The following OAS3 variants were observed in gnomAD, a reference collection of about 807,000 sequenced individuals.
OAS3 encodes 2'-5'-oligoadenylate synthetase 3.
A neutral mutation model predicts 113.0 loss-of-function variants in OAS3; 107 were observed. The ratio of observed to expected loss-of-function variants is 0.95; its 90% confidence interval spans 0.81 to 1.11. The LOEUF is 1.11. Ranked by LOEUF, OAS3 falls within the 50% of genes most tolerant of loss-of-function variation. OAS3 has a pLI of 0.00. For synonymous variants in OAS3, 552 were observed against 573.6 expected, an observed-to-expected ratio of 0.96 and a Z score of 0.54; for missense variants, 1,258 against 1,389.1, an observed-to-expected ratio of 0.91 and a Z score of 1.50.
At chr12:112,950,555 A>G (rs2136349801) in intron 6 of OAS3, 138 bp from the exon 7 acceptor site, 1 of 978,640 alleles carries the variant, frequency 1.0e-6, no homozygotes, top group Non-Finnish European at 1.5e-6. Context: ...CATGCAGTCG[A>G]CCTTTGTCAT....
At chr12:112,949,695 C>T (rs112046697) in intron 6 of OAS3, among the ~76,000 whole-genome samples, 2,054 of 152,280 alleles carry the variant, frequency 0.013, 28 homozygotes, top group Non-Finnish European at 0.02. Context: ...CTGATGTCCT[C>T]GTCCACTGAG....
intron 14 of OAS3, chr12:112,969,377 T>C (rs576312908): frequency 6.9e-6 from 4 of 577,706 alleles, no homozygotes; most frequent in Non-Finnish European, 1.2e-5. Context: ...GGGTAAGCGG[T>C]AGCACCGTGG....
rs1195393621 is a variant in OAS3, at chr12:112,963,700, A to G, written c.2229+243A>G. Among the ~76,000 whole-genome samples the G allele has an allele frequency of 6.6e-6, 1 of 152,196 alleles. No homozygotes were observed. Among genetic ancestry groups the G allele is most frequent in the Admixed American group, 6.5e-5 (1 of 15,282 alleles). Reference sequence around the variant, plus strand: ...GTCTCCAGGCGGAACCGATTCTGTGATGCAACTCACGTTCCAGCGCTCCCT... The same window carrying G: ...GTCTCCAGGCGGAACCGATTCTGTGGTGCAACTCACGTTCCAGCGCTCCCT... On this transcript the variant is annotated intron_variant, in intron 10 of 15. Coordinates refer to ENST00000228928, the MANE Select transcript of OAS3 (RefSeq NM_006187.4). The surrounding 1 kb of genome is among the most constrained non-coding windows in gnomAD (Gnocchi z 4.6).
chr12:112,939,131 G>C (rs1039719830), intron 1 of OAS3, among the ~76,000 whole-genome samples: 1 of 152,078 alleles, frequency 6.6e-6, no homozygotes, highest in African/African-American at 2.4e-5. Context: ...AACACTCCGC[G>C]TAACAGCCAG....
Position 112,944,491 on chromosome 12 carries a change from G to T in OAS3, c.476G>T (p.Gly159Val), listed in dbSNP as rs2043708722. The change falls in exon 3 of 16, where the codon GGC (glycine) becomes GTC (valine). Residue 159 changes from glycine to valine, a missense_variant. Physicochemically the swap from Gly to Val is moderately radical, Grantham distance 109 (BLOSUM62 -3). Coordinates refer to ENST00000228928, the MANE Select transcript of OAS3 (RefSeq NM_006187.4). ...ACACCAACAGGTCAGGCCGGCTCCG[G>T]CGTCAAACCCAAGCCACAAGTCTAC... is the stretch of plus-strand genomic sequence containing the variant. ...AFNVLGQAGSGVKPKPQVYST... is the reference protein window; with the variant it reads ...AFNVLGQAGSVVKPKPQVYST... 1 of 1,613,892 alleles carries T rather than the reference G, an allele frequency of 6.2e-7. No homozygotes were observed. The highest frequency in any genetic ancestry group is 1.3e-5 in the African/African-American group (1 of 74,936).
chr12:112,945,045 C>T, intron 3 of OAS3: 1 of 301,312 alleles, frequency 3.3e-6, no homozygotes, highest in Non-Finnish European at 6.5e-6. Flanking sequence ...GGTGCAGTGG[C>T]TCATGGCTGG....
chr12:112,967,818 C>A, intron 13 of OAS3, 118 bp from the exon 14 acceptor site: 1 of 1,231,840 alleles, frequency 8.1e-7, no homozygotes, highest in Non-Finnish European at 1.1e-6. Flanking sequence ...GGCAAGGCAT[C>A]TGGCACATGT....
intron 1 of OAS3, among the ~76,000 whole-genome samples, chr12:112,939,306 CTTTTTTTTTTTTTTTTTT>C (rs58792765): frequency 2.9e-5 from 2 of 68,252 alleles, no homozygotes; most frequent in South Asian, 7.6e-4. Context: ...TGAGTCACAT[CTTTTTTTTTTTTTTTTTT>C]TTTTTTTTTT....
intron 12 of OAS3, among the ~76,000 whole-genome samples, chr12:112,966,412 C>T (rs2043934726): frequency 6.6e-6 from 1 of 152,220 alleles, no homozygotes; most frequent in Non-Finnish European, 1.5e-5. Flanking sequence ...CACCCACCTC[C>T]TCCACCTGCT....
At chr12:112,952,663 T>TGCA (rs2043802482) in intron 7 of OAS3, among the ~76,000 whole-genome samples, 1 of 152,232 alleles carries the variant, frequency 6.6e-6, no homozygotes, top group Non-Finnish European at 1.5e-5. Flanking sequence ...AATACATCTT[T>TGCA]TAGTACTTTT....
rs2043914439 is a variant in OAS3 at position 112,964,283 on chromosome 12, A to G, written c.2278A>G (p.Ser760Gly). The change falls in exon 11 of 16, where the codon AGT becomes GGT. Residue 760 changes from serine to glycine, a missense_variant. By Grantham distance (56) the Ser-to-Gly change is moderately conservative. Transcript: ENST00000228928. The stretch of plus-strand genomic sequence containing the variant: ...AGCTGGGGACCTTGACAAGTTCATC[A>G]GTGAATTTCTCCAGCCCAACCGCCA... ...TPAGDLDKFI[S>G]EFLQPNRQFL... 3 of 1,604,456 alleles carry G rather than the reference A, an allele frequency of 1.9e-6. No homozygotes were observed. The highest frequency in any genetic ancestry group is 1.3e-5 in the African/African-American group (1 of 74,738).
At chr12:112,967,098 T>C (rs899935621) in intron 12 of OAS3, among the ~76,000 whole-genome samples, 1 of 152,216 alleles carries the variant, frequency 6.6e-6, no homozygotes, top group Non-Finnish European at 1.5e-5. Context: ...AGGCCTGCCC[T>C]CCCTCGGTTA....
rs2043649840 is a variant in OAS3, at chr12:112,938,573, G to C, written c.43G>C (p.Val15Leu). 6.2e-7 allele frequency: 1 copy of C among 1,610,424 alleles called. No individual in the cohort carries two copies. The highest frequency in any genetic ancestry group is 8.5e-7 in the Non-Finnish European group (1 of 1,178,856). ...CCCGGCCGCTGCGCTGGACAGGTTC[G>C]TGGCCAGAAGGCTGCAGCCGCGGAA... ...STPAAALDRF[V>L]ARRLQPRKEF... The change falls in exon 1 of 16, where the codon GTG becomes CTG. Residue 15 changes from valine to leucine, a missense_variant. Physicochemically the swap from Val to Leu is conservative, Grantham distance 32 (BLOSUM62 1). Transcript: ENST00000228928.
chr12:112,960,495 CTTG>C (rs1282029781), intron 7 of OAS3, among the ~76,000 whole-genome samples: 5 of 152,052 alleles, frequency 3.3e-5, no homozygotes, highest in African/African-American at 1.2e-4. Context: ...CTCTCTGTGT[CTTG>C]TTTTTCTTTT....
rs1272422529 is a variant in OAS3 at position 112,949,591 on chromosome 12, TTTCTC to T, written c.1374+390_1374+394del. ...AATTCAAGGCCTCTGTAGTGGCTGTTTTCTCTTCCTAGAAGAAAATGAGAATTCTC... is the reference window on the plus strand; with the variant it reads ...AATTCAAGGCCTCTGTAGTGGCTGTTTTCCTAGAAGAAAATGAGAATTCTC... On this transcript the variant is annotated intron_variant, in intron 6 of 15. Transcript: ENST00000228928. Among the ~76,000 whole-genome samples, 3 of 152,236 alleles carry T rather than the reference TTTCTC, an allele frequency of 2.0e-5. No homozygotes were observed. The South Asian group carries it at 6.2e-4, about 32-fold the overall frequency.
intron 14 of OAS3, chr12:112,969,359 T>C: frequency 1.9e-6 from 1 of 532,182 alleles, no homozygotes; most frequent in Non-Finnish European, 3.4e-6. Flanking sequence ...CTCCCCTGAA[T>C]AAGGAAGGGG....
rs993409824 is a variant in OAS3 at position 112,973,217 on chromosome 12, T to C, written c.*3244T>C. ...ACCAATCTGCTGTGTATTTCATCTA[T>C]TGCCAACATTTCATATAAATGGCAT... On this transcript the variant is annotated 3_prime_UTR_variant, in exon 16 of 16. Coordinates refer to ENST00000228928, the MANE Select transcript of OAS3 (RefSeq NM_006187.4). 1 of 152,248 alleles carries C rather than the reference T, an allele frequency of 6.6e-6. No homozygotes were observed. The highest frequency in any genetic ancestry group is 1.5e-5 in the Non-Finnish European group (1 of 68,040). 9.4% of individuals were successfully genotyped at this position (152,248 alleles called of 1,614,324 possible).
chr12:112,969,852 A>G, intron 15 of OAS3, 97 bp downstream of exon 15: 1 of 1,587,590 alleles, frequency 6.3e-7, no homozygotes, highest in Non-Finnish European at 8.6e-7. Flanking sequence ...GGCAGGGCCC[A>G]GTGATGGCCC....
rs1307383744 is a variant in OAS3 at position 112,972,878 on chromosome 12, T to TGGTGTGTGTG, written c.*2906_*2915dup. On this transcript the variant is annotated 3_prime_UTR_variant, in exon 16 of 16. Coordinates refer to ENST00000228928, the MANE Select transcript of OAS3 (RefSeq NM_006187.4). ...AAGAAATGCAGGACTGCAAAGAAATTGGTGTGTGTGTGTGTGTGTGTGTGT... is the reference window on the plus strand; with the variant it reads ...AAGAAATGCAGGACTGCAAAGAAATTGGTGTGTGTGGGTGTGTGTGTGTGTGTGTGTGTGT... 12 of 95,834 alleles carry TGGTGTGTGTG rather than the reference T, an allele frequency of 1.3e-4. No homozygotes were observed. Among genetic ancestry groups the TGGTGTGTGTG allele is most frequent in the Admixed American group, 6.1e-4 (6 of 9,872 alleles). The allele number at this position is 95,834 out of a possible 1,614,324, so 5.9% of individuals were successfully genotyped here.
Sources: allele counts gnomAD v4.1 joint callset (sites outside exome capture counted in the v4.1 genomes callset), GRCh38; gene constraint gnomAD v4.1.1; non-coding constraint Gnocchi (gnomAD v3.1); transcripts MANE v1.5; gene names NCBI Gene and HGNC (gene_info 2026-07-23, HGNC 2026-07-21).